The following ENTREP2 variants were observed in gnomAD, a reference collection of about 807,000 sequenced individuals.
The protein encoded by ENTREP2 is protein ENTREP2.
chr15:29,234,894 T>C, the ENTREP2 span: 2 of 1,510,198 alleles, frequency 1.3e-6, no homozygotes, highest in East Asian at 2.3e-5. Context: ...ACCTTTCTGC[T>C]GTAGGGATTA....
At chr15:29,129,204 C>T in the ENTREP2 span, among the ~76,000 whole-genome samples, 6 of 151,928 alleles carry the variant, frequency 3.9e-5, no homozygotes, top group South Asian at 1.0e-3. Context: ...GCTGGGATTA[C>T]AGGTGTCCAC....
At chr15:29,495,609 T>C in the ENTREP2 span, among the ~76,000 whole-genome samples, 1 of 151,994 alleles carries the variant, frequency 6.6e-6, no homozygotes, top group African/African-American at 2.4e-5. Flanking sequence ...TTTCATATTT[T>C]TTCTTTTTTT....
chr15:29,343,124 G>A, the ENTREP2 span, among the ~76,000 whole-genome samples: 1 of 151,668 alleles, frequency 6.6e-6, no homozygotes, highest in East Asian at 1.9e-4. Context: ...TTTTCTCTGA[G>A]AAAGAGAATG....
the ENTREP2 span, among the ~76,000 whole-genome samples, chr15:29,457,026 T>C: frequency 6.6e-6 from 1 of 152,230 alleles, no homozygotes; most frequent in Admixed American, 6.5e-5. Flanking sequence ...AAACTACAGG[T>C]TGTGCACCTT....
At chr15:29,209,468 C>G in the ENTREP2 span, among the ~76,000 whole-genome samples, 1 of 152,150 alleles carries the variant, frequency 6.6e-6, no homozygotes, top group African/African-American at 2.4e-5. Context: ...CCCCACTGCA[C>G]TCCAGCCTGG....
At chr15:29,181,296 C>T in the ENTREP2 span, among the ~76,000 whole-genome samples, 1 of 152,046 alleles carries the variant, frequency 6.6e-6, no homozygotes, top group Non-Finnish European at 1.5e-5. Flanking sequence ...TTACCAAGCC[C>T]TGGTGATTTT....
chr15:29,607,378 G>C, the ENTREP2 span, among the ~76,000 whole-genome samples: 1 of 113,174 alleles, frequency 8.8e-6, no homozygotes, highest in African/African-American at 3.5e-5. Flanking sequence ...TTACTTTTGT[G>C]TTCCTTCCAG....
chr15:29,159,061 G>C, the ENTREP2 span, among the ~76,000 whole-genome samples: 67,742 of 152,094 alleles, frequency 0.45, 17,663 homozygotes, highest in East Asian at 0.69. Flanking sequence ...AGTGTATCTG[G>C]AATTGGTGGG....
chr15:29,502,686 A>G, the ENTREP2 span, among the ~76,000 whole-genome samples: 1 of 152,050 alleles, frequency 6.6e-6, no homozygotes, highest in African/African-American at 2.4e-5. Flanking sequence ...TTTACAAATC[A>G]TATGTCTGAT....
chr15:29,362,610 G>C, the ENTREP2 span, among the ~76,000 whole-genome samples: 1 of 151,878 alleles, frequency 6.6e-6, no homozygotes, highest in African/African-American at 2.4e-5. Flanking sequence ...CCTGAGCTCA[G>C]GCAATACGCC....
the ENTREP2 span, among the ~76,000 whole-genome samples, chr15:29,224,354 T>C: frequency 6.6e-6 from 1 of 152,094 alleles, no homozygotes; most frequent in African/African-American, 2.4e-5. Context: ...TTGCAAACAT[T>C]GAAAGAACAA....
the ENTREP2 span, among the ~76,000 whole-genome samples, chr15:29,661,254 G>A: frequency 1.1e-4 from 17 of 152,314 alleles, no homozygotes; most frequent in Non-Finnish European, 2.1e-4. Context: ...AGGTTGGAGT[G>A]CAATGGCGAG....
chr15:29,371,385 C>CACACAT, the ENTREP2 span, among the ~76,000 whole-genome samples: 3 of 150,948 alleles, frequency 2.0e-5, no homozygotes, highest in African/African-American at 7.3e-5. Context: ...CACACACACA[C>CACACAT]GAAACCAACT....
At chr15:29,263,813 G>A in the ENTREP2 span, among the ~76,000 whole-genome samples, 9 of 152,184 alleles carry the variant, frequency 5.9e-5, no homozygotes, top group East Asian at 1.9e-4. Context: ...AAAAGAAACC[G>A]GAGCTCTTTA....
chr15:29,549,275 A>AT, the ENTREP2 span, among the ~76,000 whole-genome samples: 524 of 148,474 alleles, frequency 3.5e-3, 4 homozygotes, highest in African/African-American at 0.011. Flanking sequence ...TTTGTTATAC[A>AT]TTTTTTTTTT....
the ENTREP2 span, among the ~76,000 whole-genome samples, chr15:29,156,660 C>G: frequency 6.6e-6 from 1 of 152,054 alleles, no homozygotes; most frequent in Non-Finnish European, 1.5e-5. Flanking sequence ...ATGCAGATGC[C>G]GGTCTGAGGG....
chr15:29,322,716 A>C, the ENTREP2 span, among the ~76,000 whole-genome samples: 1 of 152,138 alleles, frequency 6.6e-6, no homozygotes. Flanking sequence ...GATTATTTCT[A>C]TGTCTCCTCC....
chr15:29,488,854 G>A, the ENTREP2 span, among the ~76,000 whole-genome samples: 1 of 152,070 alleles, frequency 6.6e-6, no homozygotes, highest in East Asian at 1.9e-4. Flanking sequence ...GAAAAATGAA[G>A]GAGAAATTTA....
chr15:29,674,644 C>G, the ENTREP2 span, among the ~76,000 whole-genome samples: 1 of 151,220 alleles, frequency 6.6e-6, no homozygotes, highest in South Asian at 2.1e-4. Context: ...TTAAGAATAT[C>G]GAGGGATGGA....
Sources: allele counts gnomAD v4.1 joint callset (sites outside exome capture counted in the v4.1 genomes callset), GRCh38; gene constraint gnomAD v4.1.1; transcripts MANE v1.5; gene names NCBI Gene and HGNC (gene_info 2026-07-23, HGNC 2026-07-21).